The following ADAM11 variants were observed in gnomAD, a reference collection of about 807,000 sequenced individuals.
ADAM11 encodes ADAM metallopeptidase domain 11.
In ADAM11, 49 loss-of-function variants were observed where a neutral mutation model predicts 119.1. That is an observed-to-expected ratio of 0.41 (90% CI 0.33 to 0.52). The LOEUF (loss-of-function observed/expected upper bound fraction) is 0.52. Among genes scored for constraint, ADAM11 ranks in the 20% least tolerant of loss-of-function variants. The probability of loss-of-function intolerance (pLI) is 0.20; values close to 1 mark genes in which losing one functional copy is unlikely to be tolerated. For missense variants in ADAM11, 777 were observed against 1,047.5 expected (o/e 0.74, Z 3.56); for synonymous variants, 364 against 408.0 (o/e 0.89, Z 1.30).
rs191624738 is a variant in ADAM11, at chr17:44,772,843, C to T, written c.679-14C>T. 7,405 of 1,612,632 alleles carry T rather than the reference C, an allele frequency of 4.6e-3. 32 individuals are homozygous for T. The highest frequency in any genetic ancestry group is 5.8e-3 in the Non-Finnish European group (6,787 of 1,178,922). The stretch of plus-strand genomic sequence containing the variant: ...ATGGAAGGGACTGATTCCAAGTGCC[C>T]ACCCACCCCCCAGGTCCGCCGGGGC... On this transcript the variant is annotated splice_polypyrimidine_tract_variant and intron_variant, in intron 8 of 26. Coordinates refer to ENST00000200557, the MANE Select transcript of ADAM11 (RefSeq NM_002390.6). The surrounding 1 kb of genome is among the most constrained non-coding windows in gnomAD (Gnocchi z 4.5).
At chr17:44,767,216 C>A (rs745811252) in intron 2 of ADAM11, among the ~76,000 whole-genome samples, 57 of 151,894 alleles carry the variant, frequency 3.8e-4, no homozygotes, top group African/African-American at 1.3e-3. Context: ...ATTAGCCGGG[C>A]GTGGTGGTAG....
intron 14 of ADAM11, 52 bp downstream of exon 14, chr17:44,774,801 G>C (rs2049576438): frequency 6.3e-7 from 1 of 1,577,830 alleles, no homozygotes; most frequent in Non-Finnish European, 8.6e-7. Flanking sequence ...GGGAGTCTTA[G>C]AGCGAGCATT....
chr17:44,779,074 C>A, intron 25 of ADAM11, 148 bp from the exon 26 acceptor site: 2 of 993,978 alleles, frequency 2.0e-6, no homozygotes, highest in East Asian at 3.0e-5. Context: ...GTAATTCTCC[C>A]TGGCCCTTAC....
rs777560544 is a variant in ADAM11, at chr17:44,776,792, G to A, written c.1614G>A (p.Glu538=). 5.0e-6 allele frequency: 8 copies of A among 1,614,194 alleles called. No homozygotes were observed. Among genetic ancestry groups the A allele is most frequent in the Non-Finnish European group, 5.1e-6 (6 of 1,180,038 alleles). ...TGGACGGTTACTACTGTGACCATGA[G>A]CAGGTATGATGGCTGCCCCCTGAGC... ...HKLDGYYCDH[E]QGRCYGGRCK... Residue 538 remains glutamate, a synonymous_variant, in exon 19 of 27, where the codon GAG becomes GAA. Coordinates refer to ENST00000200557, the MANE Select transcript of ADAM11 (RefSeq NM_002390.6). This position sits in a 1 kb window ranked among gnomAD's most constrained non-coding sequence, Gnocchi z 5.2.
Position 44,778,047 on chromosome 17 carries a change from G to T in ADAM11, c.2166G>T (p.Gly722=). 6.2e-7 allele frequency: 1 copy of T among 1,613,470 alleles called. No individual in the cohort carries two copies. The highest frequency in any genetic ancestry group is 8.5e-7 in the Non-Finnish European group (1 of 1,179,646). The change falls in exon 24 of 27, where the codon GGG becomes GGT. Residue 722 remains glycine, a synonymous_variant. Transcript: ENST00000200557. ...CCCTGCCCACGTCCCCACCCACGGGGGAGACGGAGAGATATAAAGGTGAGG... is the reference window on the plus strand; with the variant it reads ...CCCTGCCCACGTCCCCACCCACGGGTGAGACGGAGAGATATAAAGGTGAGG... ...HNPLPTSPPT[G]ETERYKGPSG... is the part of the protein sequence containing the mutation.
In ADAM11 at chr17:44,777,024, G is replaced by T; in HGVS notation, c.1681+62G>T. The T allele has an allele frequency of 1.9e-6, 3 of 1,578,032 alleles. No individual in the cohort carries two copies. Among genetic ancestry groups the T allele is most frequent in the Admixed American group, 3.5e-5 (2 of 57,808 alleles). ...GGACCCAGAGCTGAGAAGCTGGGGA[G>T]AGTGGGTTCCAGCTGAACAGGCCCC... On this transcript the variant is annotated intron_variant, in intron 20 of 26. Transcript: ENST00000200557. This position sits in a 1 kb window ranked among gnomAD's most constrained non-coding sequence, Gnocchi z 5.1.
intron 2 of ADAM11, among the ~76,000 whole-genome samples, chr17:44,760,322 C>T (rs1254396448): frequency 4.6e-5 from 7 of 152,174 alleles, no homozygotes; most frequent in Non-Finnish European, 8.8e-5. Context: ...AGTGGGCTTT[C>T]TTGGAACAAC....
chr17:44,773,127 C>T lies in ADAM11; in HGVS notation c.825+42C>T, dbSNP rs767104587. ...CCCTCCCTTCCCTCCTCCTCATGCC[C>T]CCCACCCCACCACACACATTAGGGG... is the stretch of plus-strand genomic sequence containing the variant. On this transcript the variant is annotated intron_variant, in intron 10 of 26. Transcript: ENST00000200557. The surrounding 1 kb of genome is among the most constrained non-coding windows in gnomAD (Gnocchi z 4.6). The T allele has an allele frequency of 8.1e-6, 13 of 1,600,438 alleles. No homozygotes were observed. Among genetic ancestry groups the T allele is most frequent in the Middle Eastern group, 1.7e-4 (1 of 6,060 alleles).
chr17:44,760,220 CAG>C (rs1206770195), intron 2 of ADAM11, among the ~76,000 whole-genome samples: 1 of 152,234 alleles, frequency 6.6e-6, no homozygotes, highest in African/African-American at 2.4e-5. Flanking sequence ...CTGTTCAAAA[CAG>C]GGCTTGGATG....
chr17:44,772,470 C>T lies in ADAM11; in HGVS notation c.678+4C>T, dbSNP rs778368570. 47 of 1,564,102 alleles carry T rather than the reference C, an allele frequency of 3.0e-5. No individual in the cohort carries two copies. The highest frequency in any genetic ancestry group is 1.4e-4 in the East Asian group (6 of 42,224). ...GAGGCTGAGAAGGAAAAGGCAGGTA[C>T]GGGGGCCCGCACAGACCTCGGGCTG... On this transcript the variant is annotated splice_donor_region_variant and intron_variant, in intron 8 of 26. Coordinates refer to ENST00000200557, the MANE Select transcript of ADAM11 (RefSeq NM_002390.6). The surrounding 1 kb of genome is among the most constrained non-coding windows in gnomAD (Gnocchi z 4.5).
rs1215505244 is a variant in ADAM11, at chr17:44,777,759, G to A, written c.1966G>A (p.Gly656Arg). 18 of 1,613,878 alleles carry A rather than the reference G, an allele frequency of 1.1e-5. No individual in the cohort carries two copies. Among genetic ancestry groups the A allele is most frequent in the African/African-American group, 1.3e-5 (1 of 74,926 alleles). The part of the protein sequence containing the change: ...LSYVEDGTAC[G>R]PNMLCLDHRC... ...CTATGTGGAGGATGGCACAGCCTGC[G>A]GGCCTAACATGTTGTGCCTGGACCA... Residue 656 changes from glycine (G) to arginine (R), a missense_variant, in exon 23 of 27, where the codon GGG becomes AGG. Around this residue, in one of 4 missense-constraint regions of ADAM11, gnomAD observed 348 missense variants for 486.7 expected, o/e 0.72. Transcript: ENST00000200557. This position sits in a 1 kb window ranked among gnomAD's most constrained non-coding sequence, Gnocchi z 5.1.
Position 44,775,767 on chromosome 17 carries a change from G to C in ADAM11, c.1485+91G>C. The C allele has an allele frequency of 1.5e-6, 2 of 1,350,958 alleles. No homozygotes were observed. Among genetic ancestry groups the C allele is most frequent in the South Asian group, 2.7e-5 (2 of 74,386 alleles). 83.7% of individuals were successfully genotyped at this position (1,350,958 alleles called of 1,614,324 possible). ...GGGGTGGGAGCTAGGGAGGGAAGCGGAGCCTTCGGGGACGAAGGCCTCTGG... is the reference window on the plus strand; with the variant it reads ...GGGGTGGGAGCTAGGGAGGGAAGCGCAGCCTTCGGGGACGAAGGCCTCTGG... On this transcript the variant is annotated intron_variant, in intron 17 of 26. Coordinates refer to ENST00000200557, the MANE Select transcript of ADAM11 (RefSeq NM_002390.6). The surrounding 1 kb of genome is among the most constrained non-coding windows in gnomAD (Gnocchi z 7.5).
In ADAM11 at chr17:44,773,531, G is replaced by C; in HGVS notation, c.992+104G>C. ...GCTGGCTGCTCCTCTCAGAGTCTGG[G>C]GACTGGGCTCACCTTGCACCTGCCA... On this transcript the variant is annotated intron_variant, in intron 11 of 26. Coordinates refer to ENST00000200557, the MANE Select transcript of ADAM11 (RefSeq NM_002390.6). This position sits in a 1 kb window ranked among gnomAD's most constrained non-coding sequence, Gnocchi z 4.6. 7.1e-7 allele frequency: 1 copy of C among 1,413,356 alleles called. No individual in the cohort carries two copies. The allele number at this position is 1,413,356 out of a possible 1,614,324, so 87.6% of individuals were successfully genotyped here.
intron 26 of ADAM11, 107 bp downstream of exon 26, chr17:44,779,346 G>A: frequency 6.8e-7 from 1 of 1,476,232 alleles, no homozygotes; most frequent in East Asian, 2.7e-5. Flanking sequence ...TTGATGGGGA[G>A]CGGGGGCTGA....
chr17:44,769,820 G>A, intron 3 of ADAM11, 26 bp downstream of exon 3: 2 of 1,611,244 alleles, frequency 1.2e-6, no homozygotes, highest in Non-Finnish European at 1.7e-6. Flanking sequence ...AGCCCAAGAG[G>A]AAGGGCAGTG....
At chr17:44,762,456 C>T (rs1466866581) in intron 2 of ADAM11, among the ~76,000 whole-genome samples, 1 of 152,170 alleles carries the variant, frequency 6.6e-6, no homozygotes, top group Non-Finnish European at 1.5e-5. Context: ...ATGGTGGATC[C>T]AGTGTGGACT....
chr17:44,763,421 C>G (rs564475418), intron 2 of ADAM11, among the ~76,000 whole-genome samples: 1 of 152,214 alleles, frequency 6.6e-6, no homozygotes, highest in Admixed American at 6.5e-5. Context: ...GGAAAAGAGA[C>G]ACAGATGCAC....
At position 44,771,660 on chromosome 17, in the gene ADAM11, AG is replaced by A. The variant is rs778861401; in HGVS notation, c.462del (p.Leu155CysfsTer10). ...PHSFAALSTC[Q>X]GLHGVFSDGN... Reference sequence around the variant, plus strand: ...TCCTTCGCCGCCCTCTCCACCTGCCAGGGGCTGCAGTGAGTATGGGGAGGGG... The same window carrying A: ...TCCTTCGCCGCCCTCTCCACCTGCCAGGGCTGCAGTGAGTATGGGGAGGGG... On this transcript the variant is annotated frameshift_variant, in exon 5 of 27. Coordinates refer to ENST00000200557, the MANE Select transcript of ADAM11 (RefSeq NM_002390.6). LOFTEE classifies it high-confidence loss of function. The A allele has an allele frequency of 6.2e-7, 1 of 1,610,702 alleles. No individual in the cohort carries two copies. Among genetic ancestry groups the A allele is most frequent in the Non-Finnish European group, 8.5e-7 (1 of 1,179,004 alleles).
chr17:44,776,332 A>G lies in ADAM11; in HGVS notation c.1566+125A>G, dbSNP rs548643559. The stretch of plus-strand genomic sequence containing the variant: ...CCACAGCTGGCATCGACCTCCACTG[A>G]TCAGACTGTTTTCTTATCTGAGAAA... On this transcript the variant is annotated intron_variant, in intron 18 of 26. Coordinates refer to ENST00000200557, the MANE Select transcript of ADAM11 (RefSeq NM_002390.6). This position sits in a 1 kb window ranked among gnomAD's most constrained non-coding sequence, Gnocchi z 5.2. The G allele has an allele frequency of 1.6e-4, 155 of 966,328 alleles. 1 individual carries two copies. The African/African-American group carries it at 2.4e-3, about 15-fold the overall frequency. 59.9% of individuals were successfully genotyped at this position (966,328 alleles called of 1,614,324 possible).
Sources: allele counts gnomAD v4.1 joint callset (sites outside exome capture counted in the v4.1 genomes callset), GRCh38; gene constraint gnomAD v4.1.1; regional missense constraint gnomAD v4.1.1; non-coding constraint Gnocchi (gnomAD v3.1); transcripts MANE v1.5; gene names NCBI Gene and HGNC (gene_info 2026-07-23, HGNC 2026-07-21).